SORCS3: variants seen among roughly 807,000 people sequenced by gnomAD.
SORCS3 encodes sortilin related VPS10 domain containing receptor 3.
SORCS3 carries 57 observed loss-of-function variants against 146.3 expected under a neutral mutation model. That is an observed-to-expected ratio of 0.39 (90% CI 0.31 to 0.49). The LOEUF (loss-of-function observed/expected upper bound fraction) is 0.49. Among genes scored for constraint, SORCS3 ranks in the 20% least tolerant of loss-of-function variants. SORCS3 has a pLI of 0.92. For synonymous variants in SORCS3, 653 were observed against 618.5 expected (o/e 1.06, Z -0.83); for missense variants, 1,341 against 1,575.5 (o/e 0.85, Z 2.52).
chr10:104,771,062 G>C lies in SORCS3; in HGVS notation c.628-71730G>C, dbSNP rs559376313. ...CAGACTGGCCACAATCCAAATGCTT[G>C]ATAGCCACGTGGGCTGATGGTTGCC... On this transcript the variant is annotated intron_variant, in intron 1 of 26. Transcript: ENST00000369701. Among the ~76,000 whole-genome samples the C allele has an allele frequency of 3.3e-5, 5 of 152,216 alleles. No homozygotes were observed. The South Asian group carries it at 8.3e-4, about 25-fold the overall frequency.
At chr10:104,923,289 T>C (rs1188712992) in intron 3 of SORCS3, among the ~76,000 whole-genome samples, 1 of 152,176 alleles carries the variant, frequency 6.6e-6, no homozygotes, top group African/African-American at 2.4e-5. Context: ...CCTTAGGAAG[T>C]GTAATCCTCA....
Position 104,998,255 on chromosome 10 carries a change from T to C in SORCS3, c.954+20762T>C, listed in dbSNP as rs2055039029. Among the ~76,000 whole-genome samples, 5 of 152,286 alleles carry C rather than the reference T, an allele frequency of 3.3e-5. No individual in the cohort carries two copies. The South Asian group carries it at 1.0e-3, about 32-fold the overall frequency. On this transcript the variant is annotated intron_variant, in intron 4 of 26. Transcript: ENST00000369701. ...GCCTGGATTTAATTCCCTGATTCTC[T>C]TTTTCCCAGATGTGTTATGTCGGGT...
At chr10:105,043,885 C>T (rs967630342) in intron 5 of SORCS3, among the ~76,000 whole-genome samples, 2 of 152,124 alleles carry the variant, frequency 1.3e-5, no homozygotes, top group African/African-American at 4.8e-5. Context: ...TTCCTTTATG[C>T]ATGCATACTA....
At chr10:105,225,227 G>C (rs1182586943) in intron 20 of SORCS3, among the ~76,000 whole-genome samples, 1 of 151,868 alleles carries the variant, frequency 6.6e-6, no homozygotes, top group African/African-American at 2.4e-5. Context: ...TTTACATTTA[G>C]ATCTATGATC....
intron 1 of SORCS3, among the ~76,000 whole-genome samples, chr10:104,669,603 A>G (rs914889622): frequency 6.6e-6 from 1 of 152,168 alleles, no homozygotes; most frequent in Middle Eastern, 3.2e-3. Flanking sequence ...ATTCCATTGT[A>G]TGTATTTACC....
chr10:104,895,552 C>T (rs1265630650), intron 2 of SORCS3, among the ~76,000 whole-genome samples: 1 of 152,196 alleles, frequency 6.6e-6, no homozygotes, highest in Admixed American at 6.5e-5. Context: ...CTCCAGCATC[C>T]CTCAGCTCAC....
chr10:104,775,610 C>T (rs375175855), intron 1 of SORCS3, among the ~76,000 whole-genome samples: 8 of 152,250 alleles, frequency 5.3e-5, no homozygotes, highest in African/African-American at 1.7e-4. Context: ...AAATACAGTG[C>T]AGCTGGGGCC....
intron 3 of SORCS3, among the ~76,000 whole-genome samples, chr10:104,976,911 G>A (rs553855299): frequency 5.5e-4 from 84 of 152,226 alleles, no homozygotes; most frequent in Non-Finnish European, 1.0e-3. Flanking sequence ...GACTGTTGTG[G>A]GGTGGGGGAA....
intron 1 of SORCS3, among the ~76,000 whole-genome samples, chr10:104,712,624 T>C (rs2016431986): frequency 6.6e-6 from 1 of 152,132 alleles, no homozygotes; most frequent in African/African-American, 2.4e-5. Flanking sequence ...GAAGGGCCAG[T>C]ATGTCTAGGG....
At chr10:105,007,821 C>T (rs1340301977) in intron 4 of SORCS3, among the ~76,000 whole-genome samples, 1 of 152,244 alleles carries the variant, frequency 6.6e-6, no homozygotes, top group African/African-American at 2.4e-5. Flanking sequence ...TGGCCTGGTC[C>T]TGCCTTCAAA....
chr10:105,126,580 C>T (rs778933930), intron 7 of SORCS3, among the ~76,000 whole-genome samples: 4 of 152,160 alleles, frequency 2.6e-5, no homozygotes, highest in Non-Finnish European at 4.4e-5. Flanking sequence ...TATGTGCACA[C>T]ATATGTGCAT....
At chr10:105,031,666 C>T (rs182852740) in intron 4 of SORCS3, among the ~76,000 whole-genome samples, 3 of 152,304 alleles carry the variant, frequency 2.0e-5, no homozygotes, top group Non-Finnish European at 4.4e-5. Flanking sequence ...TTATTTCTTA[C>T]ATTAAGCAAA....
chr10:104,708,651 A>G (rs1040657528), intron 1 of SORCS3, among the ~76,000 whole-genome samples: 2 of 152,060 alleles, frequency 1.3e-5, no homozygotes, highest in Non-Finnish European at 2.9e-5. Context: ...AATCTCCCAA[A>G]ACTTGCTAGC....
intron 2 of SORCS3, among the ~76,000 whole-genome samples, chr10:104,865,666 A>T (rs571624526): frequency 2.0e-5 from 3 of 152,370 alleles, no homozygotes; most frequent in East Asian, 3.9e-4. Flanking sequence ...ACAGAAAGAC[A>T]GTCAAATGCT....
chr10:104,925,154 C>A (rs7901771), intron 3 of SORCS3, among the ~76,000 whole-genome samples: 1 of 152,020 alleles, frequency 6.6e-6, no homozygotes, highest in African/African-American at 2.4e-5. Context: ...TGAGAACATG[C>A]GATGTTTGAT....
intron 14 of SORCS3, among the ~76,000 whole-genome samples, chr10:105,180,564 A>G (rs1589675900): frequency 1.3e-5 from 2 of 152,220 alleles, no homozygotes; most frequent in Admixed American, 1.3e-4. Flanking sequence ...ATCCAGAGTG[A>G]TATTTTTGAA....
Position 104,832,719 on chromosome 10 carries a change from A to T in SORCS3, c.628-10073A>T. ...GGCAACGAGAGTGAAACTCCATCTC[A>T]AATAAATAAATAAATAAATAAATAA... On this transcript the variant is annotated intron_variant, in intron 1 of 26. Coordinates refer to ENST00000369701, the MANE Select transcript of SORCS3 (RefSeq NM_014978.3). 1.8e-5 allele frequency among the ~76,000 whole-genome samples: 2 copies of T among 110,414 alleles called. 1 individual carries two copies. Among genetic ancestry groups the T allele is most frequent in the Non-Finnish European group, 3.3e-5 (2 of 61,200 alleles). 72.4% of individuals were successfully genotyped at this position (110,414 alleles called of 152,430 possible). A position where few individuals can be genotyped will look rare whatever the true frequency, so the allele number is the denominator to read the frequency against.
At chr10:104,906,610 T>C (rs1212652819) in intron 2 of SORCS3, among the ~76,000 whole-genome samples, 2 of 152,002 alleles carry the variant, frequency 1.3e-5, no homozygotes, top group African/African-American at 4.8e-5. Context: ...GAAACATGAG[T>C]TTATATAATT....
chr10:105,046,643 G>A lies in SORCS3; in HGVS notation c.1028+3515G>A, dbSNP rs143924412. ...CCTTCTTGTGGGTTAGGCAGAGCAC[G>A]GAACATAATATTCATTAGCATCAAT... On this transcript the variant is annotated intron_variant, in intron 5 of 26. Coordinates refer to ENST00000369701, the MANE Select transcript of SORCS3 (RefSeq NM_014978.3). Among the ~76,000 whole-genome samples, 579 of 152,190 alleles carry A rather than the reference G, an allele frequency of 3.8e-3. 4 individuals carry two copies. Among genetic ancestry groups the A allele is most frequent in the Middle Eastern group, 0.01 (3 of 294 alleles).
Sources: allele counts gnomAD v4.1 joint callset (sites outside exome capture counted in the v4.1 genomes callset), GRCh38; gene constraint gnomAD v4.1.1; transcripts MANE v1.5; gene names NCBI Gene and HGNC (gene_info 2026-07-23, HGNC 2026-07-21).